ENTHD1: variants seen among roughly 807,000 people sequenced by gnomAD.
ENTHD1 encodes ENTH domain containing 1.
ENTHD1 carries 23 observed loss-of-function variants against 39.1 expected under a neutral mutation model. That is an observed-to-expected ratio of 0.59 (90% CI 0.42 to 0.83). The LOEUF (loss-of-function observed/expected upper bound fraction) is 0.83. Among genes scored for constraint, ENTHD1 ranks in the 40% least tolerant of loss-of-function variants. ENTHD1 has a pLI of 0.00. For synonymous variants in ENTHD1, 230 were observed against 258.2 expected (o/e 0.89, Z 1.05); for missense variants, 624 against 705.4 (o/e 0.88, Z 1.31).
intron 2 of ENTHD1, 29 bp downstream of exon 2, chr22:39,887,371 C>T (rs2066387235): frequency 6.4e-7 from 1 of 1,559,788 alleles, no homozygotes; most frequent in African/African-American, 1.4e-5. Flanking sequence ...CCACCACACC[C>T]AGCTTATATA....
intron 6 of ENTHD1, among the ~76,000 whole-genome samples, chr22:39,759,581 C>T (rs911275673): frequency 6.6e-6 from 1 of 151,544 alleles, no homozygotes; most frequent in African/African-American, 2.4e-5. Context: ...TTCATTTATT[C>T]TTATTTTTGT....
chr22:39,776,968 AAC>A (rs928868470), intron 5 of ENTHD1, among the ~76,000 whole-genome samples: 3 of 152,216 alleles, frequency 2.0e-5, no homozygotes, highest in African/African-American at 7.2e-5. Context: ...GTTATATTCC[AAC>A]AGAGTTATTG....
chr22:39,822,335 GAA>G (rs1381397147), intron 4 of ENTHD1, among the ~76,000 whole-genome samples: 1 of 152,048 alleles, frequency 6.6e-6, no homozygotes, highest in African/African-American at 2.4e-5. Flanking sequence ...CCTGCACCCA[GAA>G]AGTTTCCTCA....
intron 4 of ENTHD1, 96 bp from the exon 5 acceptor site, chr22:39,821,209 A>G: frequency 7.3e-7 from 1 of 1,378,152 alleles, no homozygotes; most frequent in Non-Finnish European, 9.9e-7. Flanking sequence ...ATGTGCTAAC[A>G]TCATCATAAA....
At chr22:39,877,635 C>T (rs1352431785) in intron 2 of ENTHD1, among the ~76,000 whole-genome samples, 1 of 152,166 alleles carries the variant, frequency 6.6e-6, no homozygotes, top group African/African-American at 2.4e-5. Flanking sequence ...TCAAGGATCT[C>T]GACCAAGTTC....
At chr22:39,794,300 G>A (rs1174291615) in intron 5 of ENTHD1, among the ~76,000 whole-genome samples, 3 of 152,078 alleles carry the variant, frequency 2.0e-5, no homozygotes, top group African/African-American at 7.2e-5. Flanking sequence ...ATTTTTGTAT[G>A]TTGATTTTTG....
intron 4 of ENTHD1, among the ~76,000 whole-genome samples, chr22:39,821,531 T>C (rs1025017528): frequency 1.3e-5 from 2 of 152,232 alleles, no homozygotes; most frequent in Non-Finnish European, 2.9e-5. Flanking sequence ...AATCCAATCA[T>C]GCAGGTTAAA....
At chr22:39,891,318 C>A (rs1429133333) in intron 1 of ENTHD1, among the ~76,000 whole-genome samples, 1 of 152,182 alleles carries the variant, frequency 6.6e-6, no homozygotes, top group Non-Finnish European at 1.5e-5. Flanking sequence ...GGGGCAGGGA[C>A]CTTGACGGTC....
chr22:39,851,835 CT>C (rs1035029731), intron 3 of ENTHD1, among the ~76,000 whole-genome samples: 3 of 152,222 alleles, frequency 2.0e-5, no homozygotes, highest in Non-Finnish European at 2.9e-5. Context: ...AACTTAGAGA[CT>C]TCCCATACTT....
At chr22:39,794,004 T>G (rs986515243) in intron 5 of ENTHD1, among the ~76,000 whole-genome samples, 6 of 152,230 alleles carry the variant, frequency 3.9e-5, no homozygotes, top group Admixed American at 1.3e-4. Flanking sequence ...AAAATGACAC[T>G]GATATTTTGA....
intron 6 of ENTHD1, among the ~76,000 whole-genome samples, chr22:39,752,649 C>A (rs868431699): frequency 7.9e-5 from 12 of 152,176 alleles, no homozygotes; most frequent in South Asian, 2.1e-4. Context: ...AACTCTTAAT[C>A]ACTTATGCTA....
chr22:39,743,497 C>T lies in ENTHD1; in HGVS notation c.*182G>A. 1.6e-6 allele frequency: 1 copy of T among 627,972 alleles called. No homozygotes were observed. The highest frequency in any genetic ancestry group is 2.5e-6 in the Non-Finnish European group (1 of 402,550). 38.9% of individuals were successfully genotyped at this position (627,972 alleles called of 1,614,324 possible). A position where few individuals can be genotyped will look rare whatever the true frequency, so the allele number is the denominator to read the frequency against. Reference sequence around the variant, plus strand: ...AAATTATCAAAGGTGACATCTTTCCCTTTTAAAAAATAAACCACCCAAATG... The same window carrying T: ...AAATTATCAAAGGTGACATCTTTCCTTTTTAAAAAATAAACCACCCAAATG... On this transcript the variant is annotated 3_prime_UTR_variant, in exon 7 of 7. Coordinates refer to ENST00000325157, the MANE Select transcript of ENTHD1 (RefSeq NM_152512.4).
chr22:39,846,859 A>G (rs2065993063), intron 3 of ENTHD1, among the ~76,000 whole-genome samples: 1 of 152,134 alleles, frequency 6.6e-6, no homozygotes, highest in Non-Finnish European at 1.5e-5. Flanking sequence ...ATCTCACACC[A>G]GTTAGAATGG....
At chr22:39,809,897 CTGTTTTT>C (rs1201315155) in intron 5 of ENTHD1, among the ~76,000 whole-genome samples, 3 of 152,150 alleles carry the variant, frequency 2.0e-5, no homozygotes, top group South Asian at 2.1e-4. Flanking sequence ...TATCCATTTT[CTGTTTTT>C]TGTTTTTTGT....
chr22:39,752,513 C>A (rs1398760259), intron 6 of ENTHD1, among the ~76,000 whole-genome samples: 1 of 152,082 alleles, frequency 6.6e-6, no homozygotes, highest in East Asian at 1.9e-4. Context: ...CTAAAAGCTA[C>A]TAAATCATAC....
intron 5 of ENTHD1, among the ~76,000 whole-genome samples, chr22:39,770,749 C>A (rs1198563814): frequency 1.3e-5 from 2 of 152,122 alleles, no homozygotes; most frequent in African/African-American, 4.8e-5. Context: ...AGTTTGGATA[C>A]CCCAAAAGGC....
intron 4 of ENTHD1, among the ~76,000 whole-genome samples, chr22:39,833,941 CAA>C (rs59299623): frequency 5.1e-5 from 6 of 117,924 alleles, no homozygotes; most frequent in Admixed American, 8.5e-5. Context: ...TATACTTGGG[CAA>C]AAAAAAAAAA....
At position 39,765,363 on chromosome 22, in the gene ENTHD1, G is replaced by A; in HGVS notation, c.1079C>T (p.Ala360Val). 1 of 1,613,996 alleles carries A rather than the reference G, an allele frequency of 6.2e-7. No individual in the cohort carries two copies. Among genetic ancestry groups the A allele is most frequent in the Non-Finnish European group, 8.5e-7 (1 of 1,179,970 alleles). Residue 360 changes from alanine to valine, a missense_variant, in exon 6 of 7, where the codon GCC (alanine) becomes GTC (valine). Transcript: ENST00000325157. ...SKSDSTFHNQ[A>V]SVETLCLSPS... ...AGAGAGACAGAGTGTTTCTACAGAGGCCTGGTTATGGAAAGTAGAATCTGA... is the reference window on the plus strand; with the variant it reads ...AGAGAGACAGAGTGTTTCTACAGAGACCTGGTTATGGAAAGTAGAATCTGA...
intron 5 of ENTHD1, among the ~76,000 whole-genome samples, chr22:39,766,920 C>G (rs1265612641): frequency 6.6e-6 from 1 of 152,192 alleles, no homozygotes; most frequent in East Asian, 1.9e-4. Flanking sequence ...ATTCAAGTAT[C>G]ACTTTCTCTT....
Sources: gnomAD v4.1 joint callset for allele counts (sites outside exome capture counted in the v4.1 genomes callset) on GRCh38, gnomAD v4.1.1 for gene constraint, MANE v1.5 for transcripts, NCBI Gene and HGNC (gene_info 2026-07-23, HGNC 2026-07-21) for gene names.